The following SLC44A5 variants were observed in gnomAD, a reference collection of about 807,000 sequenced individuals.
SLC44A5 encodes the protein solute carrier family 44 member 5, also known as choline transporter-like protein 5.
In SLC44A5, 57 loss-of-function variants were observed where a neutral mutation model predicts 101.8. The ratio of observed to expected loss-of-function variants is 0.56; its 90% CI spans 0.45 to 0.70. The LOEUF (loss-of-function observed/expected upper bound fraction) is 0.70, where lower values mean the gene tolerates loss of function less well. SLC44A5 is among the 30% of genes least tolerant of loss of function. SLC44A5 has a pLI of 0.00. For missense variants in SLC44A5, 737 were observed against 853.1 expected (o/e 0.86, Z 1.70); for synonymous variants, 281 against 290.9 (o/e 0.97, Z 0.35).
At chr1:75,665,030 G>T in the SLC44A5 span, among the ~76,000 whole-genome samples, 1 of 151,618 alleles carries the variant, frequency 6.6e-6, no homozygotes, top group Non-Finnish European at 1.5e-5. Flanking sequence ...TGGCCATACT[G>T]CCCAAAGCAA....
intron 2 of SLC44A5, among the ~76,000 whole-genome samples, chr1:75,540,579 C>T (rs959084971): frequency 1.3e-5 from 2 of 152,134 alleles, no homozygotes; most frequent in Admixed American, 6.5e-5. Flanking sequence ...GTTAGACAGA[C>T]CTTTAGATCT....
At chr1:75,400,942 C>T (rs1381293067) in intron 2 of SLC44A5, among the ~76,000 whole-genome samples, 10 of 152,238 alleles carry the variant, frequency 6.6e-5, no homozygotes, top group Admixed American at 5.9e-4. Flanking sequence ...TCTGTCCAAA[C>T]TATGCCTGAT....
the SLC44A5 span, among the ~76,000 whole-genome samples, chr1:75,616,203 C>T: frequency 6.6e-6 from 1 of 151,658 alleles, no homozygotes; most frequent in Non-Finnish European, 1.5e-5. Flanking sequence ...CCCTGAGCGC[C>T]CGCCCAGCGC....
chr1:75,472,848 C>A (rs1667183252), intron 2 of SLC44A5, among the ~76,000 whole-genome samples: 1 of 152,134 alleles, frequency 6.6e-6, no homozygotes, highest in Non-Finnish European at 1.5e-5. Flanking sequence ...TTGCAGACCA[C>A]CGTGTCCTCT....
the SLC44A5 span, among the ~76,000 whole-genome samples, chr1:75,676,715 T>C: frequency 2.6e-5 from 4 of 152,158 alleles, no homozygotes; most frequent in South Asian, 8.3e-4. Context: ...TTTAAAGGTA[T>C]AGTAACAAAA....
At chr1:75,335,051 T>C (rs1482304043) in intron 4 of SLC44A5, among the ~76,000 whole-genome samples, 2 of 152,354 alleles carry the variant, frequency 1.3e-5, no homozygotes, top group East Asian at 3.9e-4. Context: ...CCACCGGTAC[T>C]AATTTCTCCA....
intron 2 of SLC44A5, among the ~76,000 whole-genome samples, chr1:75,470,174 T>A (rs1667029128): frequency 6.6e-6 from 1 of 152,060 alleles, no homozygotes; most frequent in South Asian, 2.1e-4. Context: ...AACCAATCAA[T>A]CCTCAAGACA....
chr1:75,409,424 T>TA (rs1296765142), intron 2 of SLC44A5, among the ~76,000 whole-genome samples: 4 of 152,154 alleles, frequency 2.6e-5, no homozygotes, highest in East Asian at 3.9e-4. Flanking sequence ...TAATTTTTTT[T>TA]AAAAAAGAAA....
chr1:75,350,870 C>T lies in SLC44A5; in HGVS notation c.53-11240G>A, dbSNP rs1447734345. Among the ~76,000 whole-genome samples, 3 of 119,828 alleles carry T rather than the reference C, an allele frequency of 2.5e-5. No homozygotes were observed. The Admixed American group carries it at 3.0e-4, about 12-fold the overall frequency. The allele number at this position is 119,828 out of a possible 152,430, so 78.6% of individuals were successfully genotyped here. A position where few individuals can be genotyped will look rare whatever the true frequency, so the allele number is the denominator to read the frequency against. ...GATTGTGCCATTGCACTTCAGCCTG[C>T]GTGACAGGGTGAGACTCCATCTCAA... On this transcript the variant is annotated intron_variant, in intron 3 of 23. Coordinates refer to ENST00000370859, the MANE Select transcript of SLC44A5 (RefSeq NM_001130058.2).
intron 20 of SLC44A5, among the ~76,000 whole-genome samples, chr1:75,214,345 G>A (rs538879699): frequency 3.0e-4 from 46 of 151,926 alleles, no homozygotes; most frequent in Non-Finnish European, 4.6e-4. Context: ...TGGTTCATCT[G>A]GGGGAATTTC....
intron 21 of SLC44A5, 21 bp downstream of exon 21, chr1:75,213,898 A>G: frequency 6.5e-7 from 1 of 1,540,038 alleles, no homozygotes; most frequent in Non-Finnish European, 8.8e-7. Flanking sequence ...TTTTTTTATT[A>G]TTTTCATCAT....
chr1:75,431,807 C>T (rs939852095), intron 2 of SLC44A5, among the ~76,000 whole-genome samples: 2 of 152,110 alleles, frequency 1.3e-5, no homozygotes, highest in African/African-American at 2.4e-5. Context: ...TAGGTCAGTC[C>T]TTTAGATGAA....
At chr1:75,434,991 C>T (rs1299606058) in intron 2 of SLC44A5, among the ~76,000 whole-genome samples, 2 of 152,136 alleles carry the variant, frequency 1.3e-5, no homozygotes, top group East Asian at 1.9e-4. Flanking sequence ...ACCAGCCTCA[C>T]ACACACTCTG....
At chr1:75,392,930 G>A (rs750560379) in intron 3 of SLC44A5, among the ~76,000 whole-genome samples, 8 of 152,078 alleles carry the variant, frequency 5.3e-5, no homozygotes, top group African/African-American at 7.2e-5. Context: ...ATATTTTCCC[G>A]TATAAGTGGG....
At chr1:75,531,541 T>C (rs774359666) in intron 2 of SLC44A5, among the ~76,000 whole-genome samples, 50 of 152,182 alleles carry the variant, frequency 3.3e-4, no homozygotes, top group Admixed American at 5.9e-4. Flanking sequence ...TGTAAAAACA[T>C]AGATTCTGAT....
chr1:75,405,197 T>C (rs899760050), intron 2 of SLC44A5, among the ~76,000 whole-genome samples: 1 of 152,038 alleles, frequency 6.6e-6, no homozygotes, highest in Non-Finnish European at 1.5e-5. Context: ...ATTCATAAGA[T>C]TCATAAAGCA....
At chr1:75,481,467 A>C (rs889130556) in intron 2 of SLC44A5, among the ~76,000 whole-genome samples, 1 of 152,194 alleles carries the variant, frequency 6.6e-6, no homozygotes. Flanking sequence ...CTGAACAGGC[A>C]ACCTACAAAA....
intron 2 of SLC44A5, among the ~76,000 whole-genome samples, chr1:75,508,990 A>T (rs1418531199): frequency 6.6e-6 from 1 of 152,262 alleles, no homozygotes; most frequent in African/African-American, 2.4e-5. Context: ...AATACACGTC[A>T]TGATGACAAT....
chr1:75,615,436 TAC>T (rs56337760), upstream of SLC44A5, among the ~76,000 whole-genome samples: 2,682 of 133,566 alleles, frequency 0.02, 93 homozygotes, highest in African/African-American at 0.071. Context: ...CACACATACA[TAC>T]ACACACACAC....
Sources: gnomAD v4.1 joint callset for allele counts (sites outside exome capture counted in the v4.1 genomes callset) on GRCh38, gnomAD v4.1.1 for gene constraint, MANE v1.5 for transcripts, NCBI Gene and HGNC (gene_info 2026-07-23, HGNC 2026-07-21) for gene names.